Variants in RAE1 observed in about 807,000 individuals in gnomAD.
The protein encoded by RAE1 is ribonucleic acid export 1.
RAE1 carries 13 observed loss-of-function variants against 52.7 expected under a neutral mutation model. That is an observed-to-expected ratio of 0.25 (90% CI 0.16 to 0.39). The LOEUF is 0.39. RAE1 is among the 10% of genes least tolerant of loss of function. The probability of loss-of-function intolerance (pLI) is 1.00; values close to 1 mark genes in which losing one functional copy is unlikely to be tolerated. For synonymous variants in RAE1, 164 were observed against 153.1 expected, an observed-to-expected ratio of 1.07 and a Z score of -0.52; for missense variants, 262 against 459.8, an observed-to-expected ratio of 0.57 and a Z score of 3.93.
intron 8 of RAE1, chr20:57,371,737 AAG>A (rs1356578067): frequency 1.3e-5 from 2 of 152,220 alleles, no homozygotes; most frequent in Admixed American, 6.5e-5. Context: ...GGGTATTTTG[AAG>A]AGAGACCTGT....
intron 4 of RAE1, chr20:57,358,845 C>T (rs1179472821): frequency 6.6e-6 from 4 of 605,492 alleles, no homozygotes; most frequent in East Asian, 3.3e-5. Context: ...AATTATGCTC[C>T]GAGGTCACCC....
intron 11 of RAE1, chr20:57,375,063 A>T: frequency 1.4e-6 from 1 of 698,562 alleles, no homozygotes; most frequent in Non-Finnish European, 2.6e-6. Flanking sequence ...CTGGGCACAG[A>T]AGCACAGGCA....
chr20:57,353,677 CTA>C (rs1266292508), intron 1 of RAE1, among the ~76,000 whole-genome samples: 4 of 152,170 alleles, frequency 2.6e-5, no homozygotes, highest in African/African-American at 7.2e-5. Flanking sequence ...CTCAGGGTCT[CTA>C]TGTAAAAAAT....
intron 11 of RAE1, chr20:57,375,088 C>T: frequency 1.5e-6 from 1 of 686,142 alleles, no homozygotes; most frequent in Non-Finnish European, 2.7e-6. Context: ...GGGGGCTGCA[C>T]TTTATGAAGG....
At chr20:57,367,832 T>C (rs1263284475) in intron 7 of RAE1, among the ~76,000 whole-genome samples, 1 of 152,052 alleles carries the variant, frequency 6.6e-6, no homozygotes, top group Non-Finnish European at 1.5e-5. Flanking sequence ...ATCCCGTAAT[T>C]CCACTTTTAG....
At chr20:57,358,972 C>A in intron 4 of RAE1, 1 of 1,469,718 alleles carries the variant, frequency 6.8e-7, no homozygotes, top group South Asian at 1.4e-5. Context: ...TGTTTATATC[C>A]GCCTCTTCAC....
intron 8 of RAE1, chr20:57,371,251 A>G (rs1034050387): frequency 6.6e-6 from 1 of 152,258 alleles, no homozygotes; most frequent in Non-Finnish European, 1.5e-5. Flanking sequence ...TGCACAGCAG[A>G]GGGAACCATG....
intron 2 of RAE1, 152 bp from the exon 3 acceptor site, chr20:57,354,560 A>T (rs370650426): frequency 1.9e-6 from 1 of 526,234 alleles, no homozygotes; most frequent in Non-Finnish European, 3.3e-6. Context: ...CTTATTTTTT[A>T]CTCCTGTCTT....
At chr20:57,353,225 A>G (rs576474210) in intron 1 of RAE1, among the ~76,000 whole-genome samples, 29 of 152,338 alleles carry the variant, frequency 1.9e-4, no homozygotes, top group African/African-American at 6.7e-4. Context: ...AAAGTCGTTT[A>G]TTGTACCCAC....
chr20:57,375,497 C>A (rs1488927901), intron 11 of RAE1, among the ~76,000 whole-genome samples: 1 of 152,128 alleles, frequency 6.6e-6, no homozygotes, highest in Non-Finnish European at 1.5e-5. Flanking sequence ...TTCCCGCTCA[C>A]CTCATGTCTG....
intron 11 of RAE1, among the ~76,000 whole-genome samples, chr20:57,375,277 TGG>T (rs2067097105): frequency 6.6e-6 from 1 of 152,088 alleles, no homozygotes; most frequent in Non-Finnish European, 1.5e-5. Flanking sequence ...GGAAGTGTGT[TGG>T]CTTTCAACCA....
intron 3 of RAE1, among the ~76,000 whole-genome samples, chr20:57,355,879 A>G (rs1043019191): frequency 6.6e-6 from 1 of 152,238 alleles, no homozygotes; most frequent in Non-Finnish European, 1.5e-5. Flanking sequence ...GGATGTTTCA[A>G]GTTGAACAGG....
intron 10 of RAE1, 133 bp downstream of exon 10, chr20:57,373,871 T>A (rs2067072435): frequency 4.3e-6 from 4 of 939,160 alleles, no homozygotes; most frequent in Non-Finnish European, 6.6e-6. Flanking sequence ...AAGTGGCTTA[T>A]GCTGTAGGCT....
intron 4 of RAE1, among the ~76,000 whole-genome samples, chr20:57,363,749 A>G (rs573733862): frequency 2.8e-4 from 43 of 152,266 alleles, no homozygotes; most frequent in Admixed American, 7.8e-4. Flanking sequence ...AATTCAGCAA[A>G]TAATTGTCAG....
chr20:57,374,016 C>T (rs1374444825), intron 10 of RAE1, among the ~76,000 whole-genome samples: 3 of 152,196 alleles, frequency 2.0e-5, no homozygotes, highest in African/African-American at 7.2e-5. Flanking sequence ...GCCTCAGCCT[C>T]CCAAGTAGTT....
chr20:57,353,920 C>G, intron 1 of RAE1, 112 bp from the exon 2 acceptor site: 2 of 891,880 alleles, frequency 2.2e-6, no homozygotes, highest in Non-Finnish European at 3.5e-6. Flanking sequence ...AAAAGTGAAG[C>G]CTGGCCTCAA....
intron 8 of RAE1, among the ~76,000 whole-genome samples, chr20:57,370,571 C>G (rs1006691187): frequency 2.6e-5 from 4 of 152,234 alleles, no homozygotes; most frequent in Non-Finnish European, 5.9e-5. Flanking sequence ...CGGACAGCTC[C>G]TTGGTGTGTC....
intron 10 of RAE1, among the ~76,000 whole-genome samples, chr20:57,374,141 A>G (rs976057340): frequency 3.3e-5 from 5 of 152,072 alleles, no homozygotes; most frequent in African/African-American, 1.2e-4. Flanking sequence ...CGGCCTCCCA[A>G]AGTGCTGGGA....
chr20:57,367,613 G>A (rs773813705), intron 7 of RAE1, among the ~76,000 whole-genome samples: 8 of 151,806 alleles, frequency 5.3e-5, no homozygotes, highest in African/African-American at 9.7e-5. Context: ...GGTGGCGCAC[G>A]TCTGTAATCC....
Sources: gnomAD v4.1 joint callset for allele counts (sites outside exome capture counted in the v4.1 genomes callset) on GRCh38, gnomAD v4.1.1 for gene constraint, MANE v1.5 for transcripts, NCBI Gene and HGNC (gene_info 2026-07-23, HGNC 2026-07-21) for gene names.